Variants in AGO2 observed in about 807,000 individuals in gnomAD.
AGO2 encodes argonaute RISC catalytic component 2, also known as protein argonaute-2.
A neutral mutation model predicts 102.3 loss-of-function variants in AGO2; 5 were observed. The ratio of observed to expected loss-of-function variants is 0.05; its 90% confidence interval spans 0.03 to 0.10. The LOEUF (loss-of-function observed/expected upper bound fraction) is 0.10. Among genes scored for constraint, AGO2 ranks in the 10% least tolerant of loss-of-function variants. The pLI, the probability that AGO2 is intolerant of heterozygous loss-of-function variation, is 1.00. For synonymous variants in AGO2, 449 were observed against 473.1 expected, an observed-to-expected ratio of 0.95 and a Z score of 0.66; for missense variants, 541 against 1,183.7, an observed-to-expected ratio of 0.46 and a Z score of 7.97.
At chr8:140,598,225 C>T (rs962571942) in intron 1 of AGO2, among the ~76,000 whole-genome samples, 1 of 152,176 alleles carries the variant, frequency 6.6e-6, no homozygotes, top group Admixed American at 6.5e-5. Flanking sequence ...CCCGAGACGG[C>T]GTGTTCTGTG....
At chr8:140,575,184 G>T (rs2073444943) in intron 2 of AGO2, among the ~76,000 whole-genome samples, 1 of 152,094 alleles carries the variant, frequency 6.6e-6, no homozygotes, top group Admixed American at 6.5e-5. Flanking sequence ...CCGTCAGCAT[G>T]GCCCTGGCAT....
intron 1 of AGO2, among the ~76,000 whole-genome samples, chr8:140,607,822 G>A (rs1279432300): frequency 2.0e-5 from 3 of 152,118 alleles, no homozygotes; most frequent in Non-Finnish European, 2.9e-5. Context: ...CAGGGCTTCT[G>A]TTCCAGGCGA....
chr8:140,576,919 C>G (rs888932294), intron 2 of AGO2, among the ~76,000 whole-genome samples: 1 of 152,066 alleles, frequency 6.6e-6, no homozygotes, highest in Non-Finnish European at 1.5e-5. Flanking sequence ...TAGAAACACG[C>G]TTGGCGGGCC....
At chr8:140,619,033 G>C (rs775229241) in intron 1 of AGO2, among the ~76,000 whole-genome samples, 2 of 151,620 alleles carry the variant, frequency 1.3e-5, no homozygotes, top group Non-Finnish European at 2.9e-5. Context: ...ATGATGGGGA[G>C]GGGTCAGGGC....
At chr8:140,578,880 C>T (rs377638292) in intron 2 of AGO2, among the ~76,000 whole-genome samples, 59 of 152,364 alleles carry the variant, frequency 3.9e-4, no homozygotes, top group African/African-American at 1.4e-3. Flanking sequence ...CAAGTGTCTG[C>T]CCCGTTTGCC....
chr8:140,631,746 G>T lies in AGO2; in HGVS notation c.22+3739C>A, dbSNP rs550691751. On this transcript the variant is annotated intron_variant, in intron 1 of 18. Transcript: ENST00000220592. ...ATCACAGACTGTTAACTGTCATAAC[G>T]GCACTGGGGTATGTTCAAAACGTCT... Among the ~76,000 whole-genome samples the T allele has an allele frequency of 3.5e-4, 54 of 152,230 alleles. 1 individual carries two copies. The South Asian group carries it at 0.011, about 30-fold the overall frequency.
chr8:140,629,223 C>G (rs1039789220), intron 1 of AGO2, among the ~76,000 whole-genome samples: 3 of 152,210 alleles, frequency 2.0e-5, no homozygotes, highest in African/African-American at 7.2e-5. Flanking sequence ...AGGGGCCAGG[C>G]TCTGCCAGCC....
chr8:140,564,717 T>C (rs1588461941), intron 3 of AGO2, among the ~76,000 whole-genome samples: 1 of 151,074 alleles, frequency 6.6e-6, no homozygotes, highest in African/African-American at 2.4e-5. Context: ...CTGAGGCAGA[T>C]GGATCACCTA....
chr8:140,556,594 G>C (rs576579187), intron 8 of AGO2, among the ~76,000 whole-genome samples: 3 of 152,142 alleles, frequency 2.0e-5, no homozygotes, highest in Non-Finnish European at 4.4e-5. Context: ...TCCAGTCTTC[G>C]GTGGCTGCGG....
At chr8:140,554,778 A>C (rs1422138737) in intron 10 of AGO2, among the ~76,000 whole-genome samples, 2 of 151,684 alleles carry the variant, frequency 1.3e-5, no homozygotes, top group Non-Finnish European at 2.9e-5. Flanking sequence ...TGCAACCTCC[A>C]CCTCCCGGGT....
intron 1 of AGO2, chr8:140,591,633 T>G (rs1193836753): frequency 6.6e-6 from 1 of 151,964 alleles, no homozygotes; most frequent in Non-Finnish European, 1.5e-5. Flanking sequence ...CCTGTTGGGG[T>G]TTTTTAAAAT....
intron 3 of AGO2, among the ~76,000 whole-genome samples, chr8:140,569,113 C>T (rs957891572): frequency 1.3e-5 from 2 of 152,264 alleles, no homozygotes; most frequent in African/African-American, 4.8e-5. Context: ...ACACCCCCAT[C>T]CCAGGTCAGC....
chr8:140,584,749 A>C (rs1360058052), intron 2 of AGO2, among the ~76,000 whole-genome samples: 1 of 152,124 alleles, frequency 6.6e-6, no homozygotes, highest in African/African-American at 2.4e-5. Context: ...CTGGAAACTA[A>C]TCTATGTGAC....
At chr8:140,619,496 C>G (rs1204564835) in intron 1 of AGO2, among the ~76,000 whole-genome samples, 3 of 152,192 alleles carry the variant, frequency 2.0e-5, no homozygotes, top group Admixed American at 2.0e-4. Flanking sequence ...ACAGACCTGG[C>G]GCCAGGGACC....
At chr8:140,619,186 G>A (rs1483119296) in intron 1 of AGO2, among the ~76,000 whole-genome samples, 3 of 152,174 alleles carry the variant, frequency 2.0e-5, no homozygotes, top group African/African-American at 7.2e-5. Flanking sequence ...ACAGCCACCC[G>A]CACCTGGCAG....
intron 1 of AGO2, among the ~76,000 whole-genome samples, chr8:140,598,823 A>C (rs929817138): frequency 2.0e-5 from 3 of 152,160 alleles, no homozygotes; most frequent in African/African-American, 7.2e-5. Flanking sequence ...CTCTTCTCCA[A>C]AGTTTTCAGG....
At position 140,559,471 on chromosome 8, in the gene AGO2, C is replaced by T; in HGVS notation, c.714G>A (p.Leu238=). 2 of 1,614,162 alleles carry T rather than the reference C, an allele frequency of 1.2e-6. No individual in the cohort carries two copies. Among genetic ancestry groups the T allele is most frequent in the Middle Eastern group, 1.6e-4 (1 of 6,062 alleles). Residue 238 remains leucine, a synonymous_variant, in exon 6 of 19, where the codon TTG becomes TTA. Coordinates refer to ENST00000220592, the MANE Select transcript of AGO2 (RefSeq NM_012154.5). ...GTTGTTCTTCAATACTTTTAAAATCCAAAACTTCACAAACAAACTCGATTA... is the reference window on the plus strand; with the variant it reads ...GTTGTTCTTCAATACTTTTAAAATCTAAAACTTCACAAACAAACTCGATTA... ...QPVIEFVCEV[L]DFKSIEEQQK... is the part of the protein sequence containing the mutation.
At chr8:140,554,214 A>T (rs1015894556) in intron 10 of AGO2, among the ~76,000 whole-genome samples, 1 of 152,030 alleles carries the variant, frequency 6.6e-6, no homozygotes, top group Non-Finnish European at 1.5e-5. Flanking sequence ...CTCCTCCCCA[A>T]CTCATGAAGG....
At chr8:140,584,671 C>T (rs563974200) in intron 2 of AGO2, among the ~76,000 whole-genome samples, 5 of 152,228 alleles carry the variant, frequency 3.3e-5, no homozygotes, top group East Asian at 1.9e-4. Flanking sequence ...CACACAACGG[C>T]GCAGGTGGGT....
Sources: gnomAD v4.1 joint callset for allele counts (sites outside exome capture counted in the v4.1 genomes callset) on GRCh38, gnomAD v4.1.1 for gene constraint, MANE v1.5 for transcripts, NCBI Gene and HGNC (gene_info 2026-07-23, HGNC 2026-07-21) for gene names.